CRB1: variants seen among roughly 807,000 people sequenced by gnomAD.
CRB1 encodes crumbs cell polarity complex component 1.
A neutral mutation model predicts 120.0 loss-of-function variants in CRB1; 83 were observed. The observed-to-expected ratio is 0.69, with a 90% CI of 0.58 to 0.83. The LOEUF (loss-of-function observed/expected upper bound fraction) is 0.83, where lower values mean the gene tolerates loss of function less well. CRB1 is among the 40% of genes least tolerant of loss of function. The pLI is 0.00. For synonymous variants in CRB1, 625 were observed against 612.5 expected (o/e 1.02, Z -0.30); for missense variants, 1,699 against 1,687.6 (o/e 1.01, Z -0.12).
the CRB1 span, among the ~76,000 whole-genome samples, chr1:197,255,965 T>TTATATCTATATATATA: frequency 1.2e-5 from 1 of 85,336 alleles, no homozygotes; most frequent in South Asian, 5.0e-4. Context: ...ATAGAACATT[T>TTATATCTATATATATA]TATATATATA....
intron 5 of CRB1, among the ~76,000 whole-genome samples, chr1:197,405,197 T>A (rs554716431): frequency 3.1e-4 from 47 of 152,238 alleles, no homozygotes; most frequent in African/African-American, 1.1e-3. Context: ...TGCCTTAGCC[T>A]GCCGAGTGCC....
At chr1:197,239,955 C>A in the CRB1 span, among the ~76,000 whole-genome samples, 3 of 150,134 alleles carry the variant, frequency 2.0e-5, no homozygotes, top group African/African-American at 4.9e-5. Flanking sequence ...ATAATTTTGC[C>A]AATTAGAATG....
chr1:197,244,418 T>C, the CRB1 span, among the ~76,000 whole-genome samples: 18 of 152,170 alleles, frequency 1.2e-4, no homozygotes, highest in Admixed American at 1.1e-3. Context: ...ATCCTTAAAA[T>C]ATTTTTTTTT....
chr1:197,227,898 A>G, the CRB1 span, among the ~76,000 whole-genome samples: 2 of 152,304 alleles, frequency 1.3e-5, no homozygotes, highest in African/African-American at 2.4e-5. Context: ...CCAAACTTCA[A>G]TTCTTGACTT....
chr1:197,290,302 G>GTGTGTGTGTC (rs1553243773), intron 1 of CRB1, among the ~76,000 whole-genome samples: 1 of 150,736 alleles, frequency 6.6e-6, no homozygotes. Context: ...GTGTGTGTGT[G>GTGTGTGTGTC]TGTTTGAAGA....
the CRB1 span, among the ~76,000 whole-genome samples, chr1:197,225,140 T>G: frequency 0.012 from 1,790 of 152,250 alleles, 29 homozygotes; most frequent in Non-Finnish European, 0.017. Flanking sequence ...AGATTTCTTG[T>G]CCAAGTCCAT....
At chr1:197,232,523 G>A in the CRB1 span, among the ~76,000 whole-genome samples, 1 of 152,080 alleles carries the variant, frequency 6.6e-6, no homozygotes, top group African/African-American at 2.4e-5. Context: ...TGTCCTTAGG[G>A]GCAAGATAGA....
the CRB1 span, among the ~76,000 whole-genome samples, chr1:197,209,348 T>C: frequency 6.6e-6 from 1 of 151,992 alleles, no homozygotes; most frequent in Admixed American, 6.6e-5. Flanking sequence ...TTGTTTTGTT[T>C]TGTTTTGTTT....
intron 5 of CRB1, among the ~76,000 whole-genome samples, chr1:197,416,386 T>C (rs1664001133): frequency 6.6e-6 from 1 of 152,246 alleles, no homozygotes. Flanking sequence ...TCATATATTA[T>C]CGACATCTGC....
At chr1:197,433,044 C>T (rs1571552226) in intron 8 of CRB1, among the ~76,000 whole-genome samples, 1 of 148,430 alleles carries the variant, frequency 6.7e-6, no homozygotes, top group Non-Finnish European at 1.5e-5. Flanking sequence ...TTTAACATGG[C>T]AAAATTTTGT....
At chr1:197,460,544 G>T (rs1472678356) in intron 11 of CRB1, among the ~76,000 whole-genome samples, 1 of 152,080 alleles carries the variant, frequency 6.6e-6, no homozygotes, top group Non-Finnish European at 1.5e-5. Context: ...AGGCCATAAT[G>T]ATCACATGCA....
At chr1:197,221,993 TC>T in the CRB1 span, among the ~76,000 whole-genome samples, 2 of 152,254 alleles carry the variant, frequency 1.3e-5, no homozygotes, top group Non-Finnish European at 2.9e-5. Flanking sequence ...ATAAAATATT[TC>T]TATATCAAAT....
chr1:197,442,289 G>C lies in CRB1; in HGVS notation c.4002G>C (p.Val1334=). 6.2e-7 allele frequency: 1 copy of C among 1,614,196 alleles called. No homozygotes were observed. ...DVAFAGERCE[V]DLADDLISDI... is the part of the protein sequence containing the mutation. Reference sequence around the variant, plus strand: ...CCTTTGCTGGCGAGCGCTGCGAGGTGGACGTAAGCAGCCTCTCCTTTTATG... The same window carrying C: ...CCTTTGCTGGCGAGCGCTGCGAGGTCGACGTAAGCAGCCTCTCCTTTTATG... Residue 1334 remains valine, a synonymous_variant, in exon 11 of 12, where the codon GTG becomes GTC. Transcript: ENST00000367400.
chr1:197,258,845 T>C, the CRB1 span, among the ~76,000 whole-genome samples: 1 of 152,156 alleles, frequency 6.6e-6, no homozygotes, highest in African/African-American at 2.4e-5. Flanking sequence ...ATTAAATAAA[T>C]AATGCATAGA....
intron 2 of CRB1, among the ~76,000 whole-genome samples, chr1:197,334,947 T>C (rs1659068936): frequency 6.6e-6 from 1 of 152,146 alleles, no homozygotes; most frequent in African/African-American, 2.4e-5. Flanking sequence ...TAGAGGGTAA[T>C]AACTGCATGG....
chr1:197,407,032 T>C (rs1663447103), intron 5 of CRB1, among the ~76,000 whole-genome samples: 2 of 152,208 alleles, frequency 1.3e-5, no homozygotes, highest in Non-Finnish European at 2.9e-5. Flanking sequence ...TCTTCCATAT[T>C]TATTAAATTG....
chr1:197,350,179 A>T (rs1660017635), intron 4 of CRB1, among the ~76,000 whole-genome samples: 1 of 151,924 alleles, frequency 6.6e-6, no homozygotes. Flanking sequence ...ACCAACACTC[A>T]TGAAAGATCT....
chr1:197,433,841 T>C (rs1664994741), intron 8 of CRB1, among the ~76,000 whole-genome samples: 1 of 152,172 alleles, frequency 6.6e-6, no homozygotes, highest in South Asian at 2.1e-4. Flanking sequence ...ACAATACGTC[T>C]ATTATAGCAG....
intron 11 of CRB1, among the ~76,000 whole-genome samples, chr1:197,446,755 A>G (rs1307175263): frequency 6.6e-6 from 1 of 152,190 alleles, no homozygotes; most frequent in Non-Finnish European, 1.5e-5. Flanking sequence ...AGTTTGAAGC[A>G]TGATTTTTTG....
Sources: allele counts gnomAD v4.1 joint callset (sites outside exome capture counted in the v4.1 genomes callset), GRCh38; gene constraint gnomAD v4.1.1; transcripts MANE v1.5; gene names NCBI Gene and HGNC (gene_info 2026-07-23, HGNC 2026-07-21).